Variants in OXCT1 observed in about 807,000 individuals in gnomAD.
The protein encoded by OXCT1 is 3-oxoacid CoA-transferase 1, also known as succinyl-CoA:3-ketoacid coenzyme A transferase 1, mitochondrial.
Under a neutral mutation model 69.6 loss-of-function variants are expected in OXCT1, and 27 were observed. That is an observed-to-expected ratio of 0.39 (90% CI 0.29 to 0.54). OXCT1 has a LOEUF of 0.54. Ranked by LOEUF, OXCT1 falls within the 20% of genes least tolerant of loss-of-function variation. OXCT1 has a pLI of 0.72. For synonymous variants in OXCT1, 202 were observed against 217.8 expected, an observed-to-expected ratio of 0.93 and a Z score of 0.64; for missense variants, 437 against 650.2, an observed-to-expected ratio of 0.67 and a Z score of 3.57.
At chr5:41,754,938 C>G (rs935146013) in intron 14 of OXCT1, among the ~76,000 whole-genome samples, 1 of 151,924 alleles carries the variant, frequency 6.6e-6, no homozygotes, top group African/African-American at 2.4e-5. Flanking sequence ...AATAGAAGGC[C>G]CCTTATACAC....
chr5:41,743,525 T>C (rs1036937029), intron 15 of OXCT1, among the ~76,000 whole-genome samples: 1 of 152,248 alleles, frequency 6.6e-6, no homozygotes, highest in Admixed American at 6.5e-5. Context: ...TGCCATTGCT[T>C]TTGGTGTTTT....
chr5:41,828,854 A>C (rs1482141826), intron 7 of OXCT1, among the ~76,000 whole-genome samples: 1 of 152,226 alleles, frequency 6.6e-6, no homozygotes, highest in Non-Finnish European at 1.5e-5. Flanking sequence ...GAAGGATTAA[A>C]TAATATTTTA....
rs1742558170 is a variant in OXCT1 at position 41,730,402 on chromosome 5, A to C, written c.*1327T>G. On this transcript the variant is annotated 3_prime_UTR_variant, in exon 17 of 17. Coordinates refer to ENST00000196371, the MANE Select transcript of OXCT1 (RefSeq NM_000436.4). The stretch of plus-strand genomic sequence containing the variant: ...CTTTCTCTAATATTGTACATTACAC[A>C]ATTGTAGCTACACCTGAAAAGAAGT... 1 of 152,226 alleles carries C rather than the reference A, an allele frequency of 6.6e-6. No homozygotes were observed. The highest frequency in any genetic ancestry group is 1.5e-5 in the Non-Finnish European group (1 of 68,052). 9.4% of individuals were successfully genotyped at this position (152,226 alleles called of 1,614,324 possible).
intron 7 of OXCT1, among the ~76,000 whole-genome samples, chr5:41,824,842 T>A (rs868285839): frequency 5.3e-5 from 8 of 152,246 alleles, no homozygotes; most frequent in African/African-American, 1.9e-4. Context: ...CATAGCTTTT[T>A]ATAGTTAACC....
chr5:41,771,899 G>A (rs1744888267), intron 13 of OXCT1, among the ~76,000 whole-genome samples: 1 of 152,152 alleles, frequency 6.6e-6, no homozygotes, highest in African/African-American at 2.4e-5. Context: ...TGTATGACCT[G>A]CAAATACAGG....
At chr5:41,737,602 T>C (rs1327739904) in intron 16 of OXCT1, among the ~76,000 whole-genome samples, 11 of 152,346 alleles carry the variant, frequency 7.2e-5, no homozygotes, top group African/African-American at 1.7e-4. Flanking sequence ...CTTGAGGTTA[T>C]TGAAAGGCTA....
At chr5:41,757,449 G>C (rs1046636725) in intron 14 of OXCT1, among the ~76,000 whole-genome samples, 1 of 152,032 alleles carries the variant, frequency 6.6e-6, no homozygotes, top group Admixed American at 6.6e-5. Context: ...TTCATCTTAA[G>C]TACTGATTTC....
At chr5:41,805,485 T>C (rs1746630072) in intron 9 of OXCT1, 82 bp downstream of exon 9, 3 of 900,686 alleles carry the variant, frequency 3.3e-6, no homozygotes, top group Non-Finnish European at 5.6e-6. Flanking sequence ...GATGACTCAC[T>C]ATGCAAGAGG....
At chr5:41,772,655 C>G (rs1744931902) in intron 13 of OXCT1, among the ~76,000 whole-genome samples, 1 of 152,068 alleles carries the variant, frequency 6.6e-6, no homozygotes, top group South Asian at 2.1e-4. Flanking sequence ...AGTTGATGAC[C>G]CCGTTTAATG....
intron 7 of OXCT1, among the ~76,000 whole-genome samples, chr5:41,838,998 G>T (rs965830468): frequency 6.6e-6 from 1 of 152,174 alleles, no homozygotes; most frequent in African/African-American, 2.4e-5. Context: ...TGTATTGAAA[G>T]AGACCCTAAT....
chr5:41,826,836 A>G (rs1747829824), intron 7 of OXCT1, among the ~76,000 whole-genome samples: 1 of 152,122 alleles, frequency 6.6e-6, no homozygotes, highest in Non-Finnish European at 1.5e-5. Context: ...TTGAATGCCT[A>G]AGAAGCCAAT....
chr5:41,815,080 TAACTC>T (rs1747172667), intron 7 of OXCT1, among the ~76,000 whole-genome samples: 1 of 152,024 alleles, frequency 6.6e-6, no homozygotes, highest in Admixed American at 6.6e-5. Context: ...TTATCTGAAA[TAACTC>T]AATTTGTTAA....
At chr5:41,738,944 C>T (rs900757970) in intron 16 of OXCT1, among the ~76,000 whole-genome samples, 1 of 152,118 alleles carries the variant, frequency 6.6e-6, no homozygotes, top group African/African-American at 2.4e-5. Context: ...ATATTTTCAA[C>T]GGATGAAATA....
intron 3 of OXCT1, among the ~76,000 whole-genome samples, chr5:41,854,640 T>C (rs1452870262): frequency 6.6e-6 from 1 of 152,122 alleles, no homozygotes; most frequent in Non-Finnish European, 1.5e-5. Context: ...AATGGCGAAA[T>C]ATCTTTTAAT....
chr5:41,823,128 T>G (rs991206437), intron 7 of OXCT1, among the ~76,000 whole-genome samples: 1 of 152,224 alleles, frequency 6.6e-6, no homozygotes, highest in Non-Finnish European at 1.5e-5. Context: ...CTCTTTCAAA[T>G]AACACTATAT....
At chr5:41,857,307 A>G (rs1395523259) in intron 3 of OXCT1, among the ~76,000 whole-genome samples, 1 of 152,110 alleles carries the variant, frequency 6.6e-6, no homozygotes, top group Non-Finnish European at 1.5e-5. Flanking sequence ...AGTAAAATTA[A>G]AGGTCTCCGG....
intron 2 of OXCT1, among the ~76,000 whole-genome samples, chr5:41,862,126 G>T (rs2112473742): frequency 6.6e-6 from 1 of 152,246 alleles, no homozygotes; most frequent in African/African-American, 2.4e-5. Flanking sequence ...CAGGAGAATG[G>T]CTTGAACCCG....
intron 2 of OXCT1, among the ~76,000 whole-genome samples, chr5:41,861,989 T>G (rs1208511332): frequency 6.6e-6 from 1 of 152,208 alleles, no homozygotes; most frequent in Non-Finnish European, 1.5e-5. Flanking sequence ...GGTGGGCAGA[T>G]GACTAGAGGT....
intron 13 of OXCT1, among the ~76,000 whole-genome samples, chr5:41,765,676 T>G (rs896740134): frequency 6.6e-6 from 1 of 152,162 alleles, no homozygotes; most frequent in Non-Finnish European, 1.5e-5. Context: ...CTATGTCAGA[T>G]GCTGTCCTAG....
Sources: allele counts gnomAD v4.1 joint callset (sites outside exome capture counted in the v4.1 genomes callset), GRCh38; gene constraint gnomAD v4.1.1; transcripts MANE v1.5; gene names NCBI Gene and HGNC (gene_info 2026-07-23, HGNC 2026-07-21).